The following NR2F1-AS1 variants were observed in gnomAD, a reference collection of about 807,000 sequenced individuals.
NR2F1-AS1 encodes NR2F1 antisense RNA 1.
At chr5:93,581,748 CCCT>C, upstream of NR2F1-AS1, among the ~76,000 whole-genome samples, 1 of 51,126 alleles carries the variant, frequency 2.0e-5, no homozygotes, top group Non-Finnish European at 4.0e-5. Flanking sequence ...CTCTCCCTCT[CCCT>C]CTCCCTCTCC....
At chr5:93,535,991 T>C (rs771973734) in intron 4 of NR2F1-AS1, among the ~76,000 whole-genome samples, 5 of 151,852 alleles carry the variant, frequency 3.3e-5, no homozygotes, top group Non-Finnish European at 7.4e-5. Context: ...ACATGCAAAC[T>C]GGAAAGGAGG....
intron 1 of NR2F1-AS1, among the ~76,000 whole-genome samples, chr5:93,566,432 A>C (rs1455704591): frequency 1.3e-5 from 2 of 152,088 alleles, no homozygotes; most frequent in Non-Finnish European, 2.9e-5. Flanking sequence ...AAATCAATAT[A>C]ATTTTCAGCA....
upstream of NR2F1-AS1, chr5:93,583,895 T>TC (rs1252430517): frequency 6.6e-6 from 1 of 152,398 alleles, no homozygotes; most frequent in African/African-American, 2.4e-5. Flanking sequence ...CGTATTTTTC[T>TC]CCCCCTTCCG....
chr5:93,491,381 G>T (rs1750846614), intron 4 of NR2F1-AS1, among the ~76,000 whole-genome samples: 1 of 151,514 alleles, frequency 6.6e-6, no homozygotes, highest in Non-Finnish European at 1.5e-5. Context: ...GGGGGTGGTG[G>T]TGCTGGTGGT....
At chr5:93,450,853 G>T (rs1449087190) in intron 4 of NR2F1-AS1, among the ~76,000 whole-genome samples, 3 of 148,528 alleles carry the variant, frequency 2.0e-5, no homozygotes, top group African/African-American at 7.5e-5. Flanking sequence ...GAGTTTCAGG[G>T]GCAGTGAGCT....
intron 4 of NR2F1-AS1, among the ~76,000 whole-genome samples, chr5:93,550,665 C>T (rs1048106759): frequency 6.6e-6 from 1 of 152,102 alleles, no homozygotes; most frequent in Admixed American, 6.6e-5. Flanking sequence ...CTGTGGATTC[C>T]ACCCTGAAAT....
intron 4 of NR2F1-AS1, among the ~76,000 whole-genome samples, chr5:93,532,045 ATATACT>A (rs1335725049): frequency 6.6e-6 from 1 of 152,202 alleles, no homozygotes; most frequent in African/African-American, 2.4e-5. Flanking sequence ...ATATCATAAC[ATATACT>A]TATAGATAAG....
intron 1 of NR2F1-AS1, chr5:93,580,419 G>T (rs1315138215): frequency 6.6e-6 from 1 of 152,338 alleles, no homozygotes; most frequent in African/African-American, 2.4e-5. Flanking sequence ...GGCCCTGCCC[G>T]TTACCAACCC....
chr5:93,416,029 T>C (rs909251911), intron 4 of NR2F1-AS1, among the ~76,000 whole-genome samples: 2 of 152,202 alleles, frequency 1.3e-5, no homozygotes, highest in Non-Finnish European at 2.9e-5. Context: ...AGTGATGGAT[T>C]CTACAAGCTG....
chr5:93,452,158 T>C (rs1434268153), intron 4 of NR2F1-AS1, among the ~76,000 whole-genome samples: 1 of 152,160 alleles, frequency 6.6e-6, no homozygotes, highest in Non-Finnish European at 1.5e-5. Context: ...TTAAAATTCA[T>C]ATTTTTAGCA....
chr5:93,574,951 A>G (rs1752863419), intron 1 of NR2F1-AS1, among the ~76,000 whole-genome samples: 1 of 152,218 alleles, frequency 6.6e-6, no homozygotes, highest in Admixed American at 6.5e-5. Context: ...GAAGGAGAGG[A>G]GTTAAAGAGG....
chr5:93,437,137 T>C (rs1749449561), intron 4 of NR2F1-AS1, among the ~76,000 whole-genome samples: 1 of 152,162 alleles, frequency 6.6e-6, no homozygotes, highest in Non-Finnish European at 1.5e-5. Flanking sequence ...ATATTCATCA[T>C]ACATGATAAA....
chr5:93,423,945 T>A (rs1248672697), intron 4 of NR2F1-AS1, among the ~76,000 whole-genome samples: 1 of 152,190 alleles, frequency 6.6e-6, no homozygotes, highest in Non-Finnish European at 1.5e-5. Flanking sequence ...ATGGTCCTCA[T>A]TTCATTAAAC....
chr5:93,557,690 C>T (rs148529177), intron 2 of NR2F1-AS1, among the ~76,000 whole-genome samples: 3 of 152,134 alleles, frequency 2.0e-5, no homozygotes, highest in East Asian at 1.9e-4. Flanking sequence ...TGGTGATTGC[C>T]GAAGTTTGGG....
At position 93,493,661 on chromosome 5, in the gene NR2F1-AS1, C is replaced by G. The variant is rs1440213689; in HGVS notation, n.638+60100G>C. On this transcript the variant is annotated intron_variant and non_coding_transcript_variant, in intron 4 of 5. Coordinates refer to ENST00000660523, the Ensembl canonical transcript of NR2F1-AS1. ...GCATAATAATAGATATATAGAACAA[C>G]AGAATAAAACTGAGAGTCCAGAAAT... 4.6e-5 allele frequency among the ~76,000 whole-genome samples: 7 copies of G among 152,078 alleles called. No individual in the cohort carries two copies. The East Asian group carries it at 1.4e-3, about 29-fold the overall frequency.
intron 4 of NR2F1-AS1, among the ~76,000 whole-genome samples, chr5:93,553,334 G>A (rs753449964): frequency 3.9e-5 from 6 of 151,952 alleles, no homozygotes; most frequent in Non-Finnish European, 7.4e-5. Context: ...AAGTGATCTC[G>A]CCTTGGCCTC....
chr5:93,451,667 T>G (rs1749833740), intron 4 of NR2F1-AS1, among the ~76,000 whole-genome samples: 1 of 152,200 alleles, frequency 6.6e-6, no homozygotes, highest in South Asian at 2.1e-4. Context: ...CCTCCCAAAG[T>G]ACTCGGATTA....
intron 4 of NR2F1-AS1, among the ~76,000 whole-genome samples, chr5:93,537,795 G>T (rs1275330940): frequency 1.3e-5 from 2 of 152,066 alleles, no homozygotes; most frequent in African/African-American, 4.8e-5. Context: ...TCCCACTACT[G>T]GATATACAGC....
chr5:93,424,825 C>T (rs1749161688), intron 4 of NR2F1-AS1, among the ~76,000 whole-genome samples: 2 of 152,130 alleles, frequency 1.3e-5, no homozygotes, highest in South Asian at 2.1e-4. Flanking sequence ...GTATAAAACT[C>T]GGGCAATTTA....
Sources: gnomAD v4.1 joint callset for allele counts (sites outside exome capture counted in the v4.1 genomes callset) on GRCh38, gnomAD v4.1.1 for gene constraint, MANE v1.5 for transcripts, NCBI Gene and HGNC (gene_info 2026-07-23, HGNC 2026-07-21) for gene names.